The following DDX17 variants were observed in gnomAD, a reference collection of about 807,000 sequenced individuals.
DDX17 encodes the protein DEAD-box helicase 17, also known as probable ATP-dependent RNA helicase DDX17.
A neutral mutation model predicts 80.8 loss-of-function variants in DDX17; 10 were observed. The ratio of observed to expected loss-of-function variants is 0.12; its 90% CI spans 0.08 to 0.21. The LOEUF (loss-of-function observed/expected upper bound fraction) is 0.21. DDX17 is among the 10% of genes least tolerant of loss of function. DDX17 has a pLI of 1.00. For synonymous variants in DDX17, 339 were observed against 336.2 expected (o/e 1.01, Z -0.09); for missense variants, 586 against 957.4 (o/e 0.61, Z 5.12).
At chr22:38,504,683 C>T (rs1281847678) in intron 1 of DDX17, among the ~76,000 whole-genome samples, 1 of 152,096 alleles carries the variant, frequency 6.6e-6, no homozygotes, top group Non-Finnish European at 1.5e-5. Context: ...CTAGTAAATC[C>T]AGCAGTTGTG....
intron 5 of DDX17, among the ~76,000 whole-genome samples, chr22:38,497,634 A>AAAAAAAAAAAAAAAG (rs753086333): frequency 6.7e-6 from 1 of 149,778 alleles, no homozygotes; most frequent in Non-Finnish European, 1.5e-5. Flanking sequence ...AAAAAAAAAA[A>AAAAAAAAAAAAAAAG]AAAGAAAGAA....
rs759351266 is a variant in DDX17 at position 38,487,889 on chromosome 22, G to A, written c.1674C>T (p.Gly558=). 3.7e-6 allele frequency: 6 copies of A among 1,614,116 alleles called. No individual in the cohort carries two copies. The highest frequency in any genetic ancestry group is 3.3e-5 in the South Asian group (3 of 91,080). The change falls in exon 12 of 13, where the codon GGC becomes GGT. Residue 558 remains glycine, a synonymous_variant. Coordinates refer to ENST00000403230, the MANE Select transcript of DDX17 (RefSeq NM_006386.5). The stretch of plus-strand genomic sequence containing the variant: ...AGGACTTACCCTTACCCCCGCCTCC[G>A]CCGCCTCCTCTGTGGTCCACAAGCT...
rs1221923149 is a variant in DDX17 at position 38,484,001 on chromosome 22, T to C, written c.*1934A>G. The C allele has an allele frequency of 2.0e-5, 3 of 152,530 alleles. No homozygotes were observed. Among genetic ancestry groups the C allele is most frequent in the Admixed American group, 6.5e-5 (1 of 15,282 alleles). 9.4% of individuals were successfully genotyped at this position (152,530 alleles called of 1,614,324 possible). A position where few individuals can be genotyped will look rare whatever the true frequency, so the allele number is the denominator to read the frequency against. On this transcript the variant is annotated 3_prime_UTR_variant, in exon 13 of 13. Transcript: ENST00000403230. Reference sequence around the variant, plus strand: ...AACCACTTGCTTGCCCAGAGACCTTTCCCTCAAACAGATGCTTTCAAGAGC... The same window carrying C: ...AACCACTTGCTTGCCCAGAGACCTTCCCCTCAAACAGATGCTTTCAAGAGC...
chr22:38,502,741 A>C (rs1245206316), intron 1 of DDX17, among the ~76,000 whole-genome samples: 3 of 152,170 alleles, frequency 2.0e-5, no homozygotes, highest in African/African-American at 4.8e-5. Context: ...CGATCTTGTA[A>C]AGTACAGGTC....
chr22:38,493,603 T>C (rs947710350), intron 10 of DDX17, 107 bp downstream of exon 10: 1 of 851,158 alleles, frequency 1.2e-6, no homozygotes, highest in Non-Finnish European at 1.9e-6. Flanking sequence ...GCATACTTAC[T>C]ATGTGGCCCT....
intron 12 of DDX17, 85 bp downstream of exon 12, chr22:38,487,794 T>A (rs1271347363): frequency 4.9e-6 from 7 of 1,435,744 alleles, no homozygotes. Context: ...TACAGCCTTC[T>A]TAAAAACAGC....
Position 38,498,125 on chromosome 22 carries a change from A to C in DDX17, c.698T>G (p.Ile233Ser). 6.2e-7 allele frequency: 1 copy of C among 1,614,202 alleles called. No homozygotes were observed. Among genetic ancestry groups the C allele is most frequent in the East Asian group, 2.2e-5 (1 of 44,874 alleles). Residue 233 changes from isoleucine (I) to serine (S), a missense_variant, in exon 5 of 13, where the codon ATT becomes AGT. Transcript: ENST00000403230. ...CCTTTCCAAGTATGGCTGGTGGTTAATATGAACAATTGCAGGCAGGAGATA... is the reference window on the plus strand; with the variant it reads ...CCTTTCCAAGTATGGCTGGTGGTTACTATGAACAATTGCAGGCAGGAGATA...
rs2145681515 is a variant in DDX17 at position 38,485,558 on chromosome 22, A to T, written c.*377T>A. On this transcript the variant is annotated 3_prime_UTR_variant, in exon 13 of 13. Transcript: ENST00000403230. ...TCCCTCCCTCCCCACCAACTCAGAAAAACAAAACATGGGGCTCCCACAAAA... is the reference window on the plus strand; with the variant it reads ...TCCCTCCCTCCCCACCAACTCAGAATAACAAAACATGGGGCTCCCACAAAA... 1 of 151,800 alleles carries T rather than the reference A, an allele frequency of 6.6e-6. No individual in the cohort carries two copies. Among genetic ancestry groups the T allele is most frequent in the Admixed American group, 6.6e-5 (1 of 15,204 alleles). The allele number at this position is 151,800 out of a possible 1,614,324, so 9.4% of individuals were successfully genotyped here. A position where few individuals can be genotyped will look rare whatever the true frequency, so the allele number is the denominator to read the frequency against.
rs181191121 is a variant in DDX17 at position 38,492,674 on chromosome 22, C to T, written c.1388-559G>A. Reference sequence around the variant, plus strand: ...GCTAATTTTGTATTTTTAGTAGAGACGGGGTTTCTCCATGTTGGTCAGGCT... The same window carrying T: ...GCTAATTTTGTATTTTTAGTAGAGATGGGGTTTCTCCATGTTGGTCAGGCT... On this transcript the variant is annotated intron_variant, in intron 10 of 12. Coordinates refer to ENST00000403230, the MANE Select transcript of DDX17 (RefSeq NM_006386.5). 2.5e-3 allele frequency among the ~76,000 whole-genome samples: 381 copies of T among 152,154 alleles called. 4 individuals are homozygous for T. Among genetic ancestry groups the T allele is most frequent in the African/African-American group, 8.8e-3 (367 of 41,504 alleles).
rs2089878602 is a variant in DDX17, at chr22:38,505,971, G to C, written c.267C>G (p.Asp89Glu). The C allele has an allele frequency of 1.3e-6, 2 of 1,588,158 alleles. No homozygotes were observed. The highest frequency in any genetic ancestry group is 3.6e-5 in the Admixed American group (2 of 55,714). The change falls in exon 1 of 13, where the codon GAC becomes GAG. Residue 89 changes from aspartate to glutamate, a missense_variant. Transcript: ENST00000403230. ...CTTACCCTCCACGGTCACGATCCCG[G>C]TCCCGGTCCCCAAAGCCTCCTCCGC...
At chr22:38,488,331 C>T (rs2089682111) in intron 11 of DDX17, 1 of 1,428,148 alleles carries the variant, frequency 7.0e-7, no homozygotes, top group African/African-American at 1.4e-5. Flanking sequence ...GAAATAGGAT[C>T]TTTATTGGCT....
Position 38,494,650 on chromosome 22 carries a change from C to T in DDX17, c.1194G>A (p.Met398Ile), listed in dbSNP as rs2089743915. ...CATACTTGTGGTCTTTTTCACTTTC[C>T]ATGCAGACATCCACTATCTGGAGGA... is the stretch of plus-strand genomic sequence containing the variant. Residue 398 changes from methionine to isoleucine, a missense_variant, in exon 8 of 13, where the codon ATG (methionine) becomes ATA (isoleucine). Around this residue, in one of 4 missense-constraint regions of DDX17, gnomAD observed 141 missense variants for 379.3 expected, o/e 0.37. Transcript: ENST00000403230. 1 of 1,613,684 alleles carries T rather than the reference C, an allele frequency of 6.2e-7. No homozygotes were observed. The highest frequency in any genetic ancestry group is 8.5e-7 in the Non-Finnish European group (1 of 1,179,952).
At chr22:38,505,847 C>T in intron 1 of DDX17, 104 bp downstream of exon 1, 2 of 1,402,870 alleles carry the variant, frequency 1.4e-6, no homozygotes, top group African/African-American at 1.5e-5. Context: ...CCCTCGCCTC[C>T]CGGGTCGAGA....
At chr22:38,505,247 AC>A (rs2089869127) in intron 1 of DDX17, 1 of 152,212 alleles carries the variant, frequency 6.6e-6, no homozygotes, top group Admixed American at 6.5e-5. Flanking sequence ...AGAATAGTTG[AC>A]GCTGCAGTCC....
At chr22:38,505,282 A>G (rs1235962496) in intron 1 of DDX17, 1 of 152,236 alleles carries the variant, frequency 6.6e-6, no homozygotes, top group African/African-American at 2.4e-5. Context: ...AGGCTGAAAT[A>G]TTAAGATTAA....
intron 5 of DDX17, among the ~76,000 whole-genome samples, chr22:38,496,186 T>C (rs1410175530): frequency 6.6e-6 from 1 of 152,136 alleles, no homozygotes; most frequent in Non-Finnish European, 1.5e-5. Context: ...TGACACATTA[T>C]CAATCATTAT....
rs562962790 is a variant in DDX17, at chr22:38,502,327, C to A, written c.288-1047G>T. On this transcript the variant is annotated intron_variant, in intron 1 of 12. Coordinates refer to ENST00000403230, the MANE Select transcript of DDX17 (RefSeq NM_006386.5). ...TACTTGGGAGGCTGAGGCAGGAGAA[C>A]CGCTGGAACTCGGAAGGCGGAGGTT... 4.0e-5 allele frequency among the ~76,000 whole-genome samples: 6 copies of A among 151,730 alleles called. No homozygotes were observed. The South Asian group carries it at 1.2e-3, about 32-fold the overall frequency.
At chr22:38,503,498 G>A (rs185695797) in intron 1 of DDX17, among the ~76,000 whole-genome samples, 3 of 151,974 alleles carry the variant, frequency 2.0e-5, no homozygotes, top group African/African-American at 7.2e-5. Flanking sequence ...CATTTAATTT[G>A]AAACATGTGG....
In DDX17 at chr22:38,503,209, C is replaced by G. The variant is rs199583159; in HGVS notation, c.288-1929G>C. ...TACTGAACAGACCAAAAGGCCACCT[C>G]AATTGCCGCTCCCGCCACACTTGCA... On this transcript the variant is annotated intron_variant, in intron 1 of 12. Coordinates refer to ENST00000403230, the MANE Select transcript of DDX17 (RefSeq NM_006386.5). 1.0e-3 allele frequency among the ~76,000 whole-genome samples: 157 copies of G among 152,262 alleles called. 1 individual carries two copies. The highest frequency in any genetic ancestry group is 3.4e-3 in the Middle Eastern group (1 of 294).
Sources: allele counts gnomAD v4.1 joint callset (sites outside exome capture counted in the v4.1 genomes callset), GRCh38; gene constraint gnomAD v4.1.1; regional missense constraint gnomAD v4.1.1; transcripts MANE v1.5; gene names NCBI Gene and HGNC (gene_info 2026-07-23, HGNC 2026-07-21).